The following FBXL18 variants were observed in gnomAD, a reference collection of about 807,000 sequenced individuals.
FBXL18 encodes F-box/LRR-repeat protein 18.
In FBXL18, 36 loss-of-function variants were observed where a neutral mutation model predicts 46.0. The observed-to-expected ratio is 0.78, with a 90% CI of 0.60 to 1.03. The LOEUF (loss-of-function observed/expected upper bound fraction) is 1.03, where lower values mean the gene tolerates loss of function less well. FBXL18 is among the 50% of genes least tolerant of loss of function. The probability of loss-of-function intolerance (pLI) is 0.00; values close to 1 mark genes in which losing one functional copy is unlikely to be tolerated. For synonymous variants in FBXL18, 557 were observed against 465.3 expected, an observed-to-expected ratio of 1.20 and a Z score of -2.54; for missense variants, 977 against 1,004.1, an observed-to-expected ratio of 0.97 and a Z score of 0.36.
rs1414952211 is a variant in FBXL18, at chr7:5,492,871, T to C, written c.1782-1422A>G. ...GAACCATCCCTGCCCATAGCCTGAT[T>C]TGGGGCCTCTGGGCTCCAGAATCGT... On this transcript the variant is annotated intron_variant, in intron 3 of 4. Transcript: ENST00000382368. Among the ~76,000 whole-genome samples the C allele has an allele frequency of 5.3e-5, 8 of 152,090 alleles. No homozygotes were observed. In the East Asian group the frequency reaches 1.5e-3, roughly 29 times the overall value.
intron 2 of FBXL18, 36 bp downstream of exon 2, chr7:5,505,376 G>A (rs766025096): frequency 1.3e-6 from 2 of 1,586,860 alleles, no homozygotes; most frequent in South Asian, 2.2e-5. Flanking sequence ...CTGAGATCTA[G>A]CTTGTTTCTC....
intron 4 of FBXL18, among the ~76,000 whole-genome samples, chr7:5,486,079 AAAT>A (rs1783767834): frequency 6.9e-6 from 1 of 145,400 alleles, no homozygotes; most frequent in South Asian, 2.1e-4. Flanking sequence ...ATAAATAAAT[AAAT>A]AAATAAATAA....
At chr7:5,483,172 G>A (rs1405713167) in intron 4 of FBXL18, among the ~76,000 whole-genome samples, 4 of 152,200 alleles carry the variant, frequency 2.6e-5, no homozygotes, top group African/African-American at 9.6e-5. Context: ...CGGGCGCAGT[G>A]ACTCACACCT....
chr7:5,471,839 G>A (rs117440560), downstream of FBXL18, among the ~76,000 whole-genome samples: 7,524 of 152,266 alleles, frequency 0.049, 242 homozygotes, highest in Non-Finnish European at 0.075. Flanking sequence ...ATGGCCAGGC[G>A]CGGTGGCTCA....
chr7:5,456,229 G>A lies in FBXL18; in HGVS notation c.2001-8386C>T, dbSNP rs141002549. On this transcript the variant is annotated intron_variant and NMD_transcript_variant, in intron 4 of 6. Coordinates refer to the FBXL18 transcript ENST00000415009. ...CCCATCCCTGGTCCTTTAGGCCCAT[G>A]GCATCTGCTCTCTCGGGACAGTGCT... Among the ~76,000 whole-genome samples, 146 of 152,258 alleles carry A rather than the reference G, an allele frequency of 9.6e-4. 1 individual carries two copies. Among genetic ancestry groups the A allele is most frequent in the African/African-American group, 3.2e-3 (135 of 41,558 alleles).
chr7:5,497,582 C>G (rs1171589071), intron 3 of FBXL18, among the ~76,000 whole-genome samples: 2 of 152,196 alleles, frequency 1.3e-5, no homozygotes, highest in Non-Finnish European at 2.9e-5. Flanking sequence ...CCGGGGGACT[C>G]CAGGGTGTGA....
rs763655190 is a variant in FBXL18 at position 5,501,237 on chromosome 7, G to C, written c.1032C>G (p.Ser344Arg). 9 of 1,613,348 alleles carry C rather than the reference G, an allele frequency of 5.6e-6. No homozygotes were observed. The highest frequency in any genetic ancestry group is 7.6e-6 in the Non-Finnish European group (9 of 1,179,844). ...QVINGGKDLR[S>R]LASLNLSGCV... ...AGCCGCTGAGGTTCAAGCTGGCCAGGCTCCGCAGGTCCTTCCCGCCGTTGA... is the reference window on the plus strand; with the variant it reads ...AGCCGCTGAGGTTCAAGCTGGCCAGCCTCCGCAGGTCCTTCCCGCCGTTGA... Residue 344 changes from serine to arginine, a missense_variant, in exon 3 of 5, where the codon AGC becomes AGG. By Grantham distance (110) the Ser-to-Arg change is moderately radical. Transcript: ENST00000382368.
chr7:5,494,179 G>A (rs188977446), intron 3 of FBXL18, among the ~76,000 whole-genome samples: 1 of 152,232 alleles, frequency 6.6e-6, no homozygotes, highest in African/African-American at 2.4e-5. Flanking sequence ...GGCTGAGGCA[G>A]GAAAATCGTT....
intron 4 of FBXL18, among the ~76,000 whole-genome samples, chr7:5,463,415 C>G (rs540616306): frequency 5.8e-4 from 88 of 151,802 alleles, no homozygotes; most frequent in African/African-American, 2.0e-3. Context: ...AGGCCAGGAG[C>G]TCCACATCAG....
Position 5,470,038 on chromosome 7 carries a change from GGAC to G in FBXL18, c.2000+21190_2000+21192del, listed in dbSNP as rs530359646. Reference sequence around the variant, plus strand: ...GAACGGGCGTGGGCGTGGGGCCGTTGGACGAGTGAGTGCACATGCGTGTGCGTG... The same window carrying G: ...GAACGGGCGTGGGCGTGGGGCCGTTGGAGTGAGTGCACATGCGTGTGCGTG... On this transcript the variant is annotated intron_variant and NMD_transcript_variant, in intron 4 of 6. Transcript: ENST00000415009. 8.2e-3 allele frequency among the ~76,000 whole-genome samples: 1,249 copies of G among 152,248 alleles called. 6 individuals carry two copies. Among genetic ancestry groups the G allele is most frequent in the South Asian group, 0.011 (51 of 4,826 alleles).
chr7:5,470,896 T>C (rs1369579643), downstream of FBXL18, among the ~76,000 whole-genome samples: 2 of 152,194 alleles, frequency 1.3e-5, no homozygotes, highest in Non-Finnish European at 2.9e-5. Flanking sequence ...GTTCCCAGGC[T>C]GCTCCAGCCA....
In FBXL18 at chr7:5,491,281, G is replaced by A. The variant is rs375086488; in HGVS notation, c.1950C>T (p.Thr650=). The A allele has an allele frequency of 1.4e-5, 23 of 1,612,984 alleles. No individual in the cohort carries two copies. Among genetic ancestry groups the A allele is most frequent in the African/African-American group, 1.2e-4 (9 of 74,906 alleles). ...CLQVVMCHLF[T]GESLATCKSL... is the part of the protein sequence containing the mutation. ...TCTTGCAGGTGGCGAGGGACTCCCC[G>A]GTGAACAGGTGGCACATGACAACCT... Residue 650 remains threonine, a synonymous_variant, in exon 4 of 5, where the codon ACC becomes ACT. Coordinates refer to ENST00000382368, the MANE Select transcript of FBXL18 (RefSeq NM_024963.6).
downstream of FBXL18, among the ~76,000 whole-genome samples, chr7:5,472,580 G>A (rs1783444622): frequency 6.6e-6 from 1 of 151,982 alleles, no homozygotes; most frequent in South Asian, 2.1e-4. Flanking sequence ...ACGTGACAAG[G>A]CCACATGGAG....
At chr7:5,497,046 A>G (rs1246537560) in intron 3 of FBXL18, among the ~76,000 whole-genome samples, 1 of 150,594 alleles carries the variant, frequency 6.6e-6, no homozygotes, top group African/African-American at 2.4e-5. Context: ...AAAAAAAAAA[A>G]AAAAACTAGC....
rs1057265501 is a variant in FBXL18, at chr7:5,476,350, G to A, written c.*5425C>T. ...ATGGCGGGTCTGGTGGCAACAGCTT[G>A]GAGAAAAGCCTCCCGGGACCAACCC... On this transcript the variant is annotated 3_prime_UTR_variant, in exon 5 of 5. Transcript: ENST00000382368. 1 of 152,236 alleles carries A rather than the reference G, an allele frequency of 6.6e-6. No homozygotes were observed. The highest frequency in any genetic ancestry group is 2.4e-5 in the African/African-American group (1 of 41,452). 9.4% of individuals were successfully genotyped at this position (152,236 alleles called of 1,614,324 possible). A position where few individuals can be genotyped will look rare whatever the true frequency, so the allele number is the denominator to read the frequency against.
At position 5,502,049 on chromosome 7, in the gene FBXL18, G is replaced by T; in HGVS notation, c.238-18C>A. On this transcript the variant is annotated intron_variant, in intron 2 of 4. Transcript: ENST00000382368. Reference sequence around the variant, plus strand: ...TCGCTCGCCTGCGGGACAGAGGCAGGGTGGGGAGAGGAAGGAAAGGGCTGA... The same window carrying T: ...TCGCTCGCCTGCGGGACAGAGGCAGTGTGGGGAGAGGAAGGAAAGGGCTGA... The T allele has an allele frequency of 1.3e-6, 2 of 1,539,252 alleles. No individual in the cohort carries two copies. Among genetic ancestry groups the T allele is most frequent in the Non-Finnish European group, 8.8e-7 (1 of 1,138,524 alleles).
At position 5,500,842 on chromosome 7, in the gene FBXL18, C is replaced by G; in HGVS notation, c.1427G>C (p.Trp476Ser). ...GAAGGGCAGGTTCTTCAGCAGAGAC[C>G]AGAACACGGAGGAGGGCTGGGGGCA... ...QACPQPSSVF[W>S]SLLKNLPFLE... Residue 476 changes from tryptophan (W) to serine (S), a missense_variant, in exon 3 of 5, where the codon TGG becomes TCG. By Grantham distance (177) the Trp-to-Ser change is radical. Transcript: ENST00000382368. 6.2e-7 allele frequency: 1 copy of G among 1,610,826 alleles called. No individual in the cohort carries two copies. Among genetic ancestry groups the G allele is most frequent in the Non-Finnish European group, 8.5e-7 (1 of 1,178,618 alleles).
At chr7:5,490,382 G>A (rs1194221072) in intron 4 of FBXL18, among the ~76,000 whole-genome samples, 6 of 152,130 alleles carry the variant, frequency 3.9e-5, no homozygotes, top group Non-Finnish European at 4.4e-5. Flanking sequence ...TCCAGGAATC[G>A]CCTCCTCCTA....
chr7:5,475,056 C>T (rs987824058), downstream of FBXL18, among the ~76,000 whole-genome samples: 15 of 149,574 alleles, frequency 1.0e-4, no homozygotes, highest in East Asian at 2.0e-4. The surrounding 1 kb of genome is among the most constrained non-coding windows in gnomAD (Gnocchi z 4.2). Context: ...TGGTGGCTCA[C>T]GCCTGTCATC....
Sources: allele counts gnomAD v4.1 joint callset (sites outside exome capture counted in the v4.1 genomes callset), GRCh38; gene constraint gnomAD v4.1.1; non-coding constraint Gnocchi (gnomAD v3.1); transcripts MANE v1.5; gene names NCBI Gene and HGNC (gene_info 2026-07-23, HGNC 2026-07-21).